The following NRCAM variants were observed in gnomAD, a reference collection of about 807,000 sequenced individuals.
NRCAM encodes the protein neuronal cell adhesion molecule.
A neutral mutation model predicts 156.5 loss-of-function variants in NRCAM; 83 were observed. That is an observed-to-expected ratio of 0.53 (90% confidence interval 0.44 to 0.64). NRCAM has a LOEUF of 0.64. Ranked by LOEUF, NRCAM falls within the 30% of genes least tolerant of loss-of-function variation. The probability of loss-of-function intolerance (pLI) is 0.00; values close to 1 mark genes in which losing one functional copy is unlikely to be tolerated. For synonymous variants in NRCAM, 538 were observed against 563.9 expected, an observed-to-expected ratio of 0.95 and a Z score of 0.65; for missense variants, 1,417 against 1,597.3, an observed-to-expected ratio of 0.89 and a Z score of 1.92.
Position 108,178,108 on chromosome 7 carries a change from G to A in NRCAM, c.2856C>T (p.Pro952=), listed in dbSNP as rs775597024. ...DRVFNTPEGV[P]SAPSSLKIVN... is the part of the protein sequence containing the mutation. ...CAATCTTCAAAGACGAGGGAGCACT[G>A]GGGACTTACAGTGAGAACTTACAGT... The change falls in exon 26 of 33, where the codon CCC becomes CCT. Residue 952 remains proline (P), a synonymous_variant. Coordinates refer to ENST00000379028, the MANE Select transcript of NRCAM (RefSeq NM_001037132.4). The A allele has an allele frequency of 1.9e-5, 31 of 1,611,216 alleles. No individual in the cohort carries two copies. In the East Asian group the frequency reaches 5.8e-4, roughly 30 times the overall value.
At chr7:108,306,411 T>C (rs573480049) in intron 3 of NRCAM, among the ~76,000 whole-genome samples, 1 of 152,348 alleles carries the variant, frequency 6.6e-6, no homozygotes, top group South Asian at 2.1e-4. Context: ...GTTAAAATAC[T>C]ATAGTGTGAG....
chr7:108,335,434 CTTTTTTTTTTTTT>C (rs58975301), intron 2 of NRCAM, among the ~76,000 whole-genome samples: 9 of 69,876 alleles, frequency 1.3e-4, no homozygotes, highest in Non-Finnish European at 2.0e-4. Flanking sequence ...GTTCCACCTG[CTTTTTTTTTTTTT>C]TTTTTTTTTT....
chr7:108,351,243 A>G (rs1248696554), intron 2 of NRCAM, among the ~76,000 whole-genome samples: 1 of 152,210 alleles, frequency 6.6e-6, no homozygotes, highest in Non-Finnish European at 1.5e-5. Context: ...CACAGAAAGA[A>G]GGCCTTTACC....
At chr7:108,201,952 C>T (rs186727386) in intron 13 of NRCAM, among the ~76,000 whole-genome samples, 4 of 152,238 alleles carry the variant, frequency 2.6e-5, no homozygotes, top group African/African-American at 4.8e-5. Context: ...GGAACTGTCA[C>T]GGTGACATAT....
chr7:108,195,593 G>C (rs1587691761), intron 15 of NRCAM, among the ~76,000 whole-genome samples, 168 bp downstream of exon 15: 1 of 151,392 alleles, frequency 6.6e-6, no homozygotes, highest in East Asian at 1.9e-4. Context: ...TCCAGCCTGG[G>C]TAATGAAGTG....
At chr7:108,155,087 C>CATATATAT (rs148453642) in intron 32 of NRCAM, among the ~76,000 whole-genome samples, 1,185 of 113,908 alleles carry the variant, frequency 0.01, 21 homozygotes, top group East Asian at 0.037. Context: ...ATTTAAAAGT[C>CATATATAT]ATATATATAT....
At position 108,335,434 on chromosome 7, in the gene NRCAM, C is replaced by CTTTTTTTTTTTTTTT. The variant is rs58975301; in HGVS notation, c.-173-22718_-173-22704dup. 3.4e-4 allele frequency among the ~76,000 whole-genome samples: 24 copies of CTTTTTTTTTTTTTTT among 69,876 alleles called. 1 individual carries two copies. The highest frequency in any genetic ancestry group is 1.6e-3 in the East Asian group (3 of 1,914). 45.8% of individuals were successfully genotyped at this position (69,876 alleles called of 152,430 possible). The stretch of plus-strand genomic sequence containing the variant: ...ATGTCCTGTGGATCTGTTCCACCTG[C>CTTTTTTTTTTTTTTT]TTTTTTTTTTTTTTTTTTTTTTTTT... On this transcript the variant is annotated intron_variant, in intron 2 of 32. Coordinates refer to ENST00000379028, the MANE Select transcript of NRCAM (RefSeq NM_001037132.4).
At chr7:108,332,115 T>C (rs1238523726) in intron 2 of NRCAM, among the ~76,000 whole-genome samples, 1 of 152,176 alleles carries the variant, frequency 6.6e-6, no homozygotes, top group Non-Finnish European at 1.5e-5. Context: ...ACAAGTTAAG[T>C]GTCACGTCAT....
intron 30 of NRCAM, among the ~76,000 whole-genome samples, chr7:108,163,366 A>G (rs1563203191): frequency 6.6e-6 from 1 of 152,148 alleles, no homozygotes. Context: ...CTCTGAGGAA[A>G]ATGCTCTTGA....
At chr7:108,183,013 A>G (rs1341304365) in intron 22 of NRCAM, 93 bp from the exon 23 acceptor site, 1 of 1,008,166 alleles carries the variant, frequency 9.9e-7, no homozygotes, top group Non-Finnish European at 1.5e-6. Context: ...GACCTACAGA[A>G]AGTGATCATT....
intron 28 of NRCAM, among the ~76,000 whole-genome samples, chr7:108,174,619 A>G (rs1489635645): frequency 6.6e-6 from 1 of 152,250 alleles, no homozygotes; most frequent in African/African-American, 2.4e-5. Context: ...TTCTCCCAAC[A>G]AATCTTTCTG....
intron 8 of NRCAM, 96 bp downstream of exon 8, chr7:108,230,935 A>G (rs2272617): frequency 0.27 from 269,373 of 989,760 alleles, 38,227 homozygotes; most frequent in African/African-American, 0.39. Flanking sequence ...GAGCATCTCT[A>G]AAACATTTTA....
intron 32 of NRCAM, among the ~76,000 whole-genome samples, chr7:108,158,378 G>A (rs2046796224): frequency 6.6e-6 from 1 of 152,130 alleles, no homozygotes; most frequent in Non-Finnish European, 1.5e-5. Context: ...ATATGAAAAT[G>A]ATTTTATTGA....
chr7:108,221,401 A>G lies in NRCAM; in HGVS notation c.890+2324T>C, dbSNP rs527990851. The stretch of plus-strand genomic sequence containing the variant: ...ATACAGAAAAGATACTTGCACACGC[A>G]TGTTTATAGCATCACAGTTTGCAAC... On this transcript the variant is annotated intron_variant, in intron 11 of 32. Transcript: ENST00000379028. 2.6e-5 allele frequency among the ~76,000 whole-genome samples: 4 copies of G among 152,362 alleles called. No homozygotes were observed. The South Asian group carries it at 8.3e-4, about 32-fold the overall frequency.
At chr7:108,170,692 A>G (rs2057963628) in intron 28 of NRCAM, among the ~76,000 whole-genome samples, 2 of 152,162 alleles carry the variant, frequency 1.3e-5, no homozygotes, top group African/African-American at 2.4e-5. Context: ...GGGTCTCCTG[A>G]GCTATGGGTA....
At chr7:108,417,092 A>G (rs1161185184) in intron 1 of NRCAM, among the ~76,000 whole-genome samples, 1 of 152,238 alleles carries the variant, frequency 6.6e-6, no homozygotes, top group Non-Finnish European at 1.5e-5. Context: ...TGAATGTCTC[A>G]TGATTCTCTG....
intron 1 of NRCAM, among the ~76,000 whole-genome samples, chr7:108,451,284 G>A (rs1850073267): frequency 6.6e-6 from 1 of 151,996 alleles, no homozygotes; most frequent in Admixed American, 6.6e-5. Context: ...CTATTAGGAT[G>A]GCTATTATCA....
chr7:108,389,553 C>T lies in NRCAM; in HGVS notation c.-174+9883G>A, dbSNP rs184662706. Among the ~76,000 whole-genome samples, 451 of 152,260 alleles carry T rather than the reference C, an allele frequency of 3.0e-3. 11 individuals carry two copies. The East Asian group carries it at 0.074, about 25-fold the overall frequency. On this transcript the variant is annotated intron_variant, in intron 2 of 32. Coordinates refer to ENST00000379028, the MANE Select transcript of NRCAM (RefSeq NM_001037132.4). ...CTAACTGAATACCCTTTATTTCTTT[C>T]TCCTGCCTGATTGCCCTGGGCAGAA...
At chr7:108,248,995 T>C (rs1033231360) in intron 3 of NRCAM, among the ~76,000 whole-genome samples, 2 of 152,150 alleles carry the variant, frequency 1.3e-5, no homozygotes, top group Non-Finnish European at 2.9e-5. Context: ...GTGTGGGTGC[T>C]AGCTAGTTGA....
Sources: gnomAD v4.1 joint callset for allele counts (sites outside exome capture counted in the v4.1 genomes callset) on GRCh38, gnomAD v4.1.1 for gene constraint, MANE v1.5 for transcripts, NCBI Gene and HGNC (gene_info 2026-07-23, HGNC 2026-07-21) for gene names.